FRMPD4: variants seen among roughly 807,000 people sequenced by gnomAD.
FRMPD4 encodes FERM and PDZ domain-containing protein 4.
FRMPD4 carries 22 observed loss-of-function variants against 94.1 expected under a neutral mutation model. The ratio of observed to expected loss-of-function variants is 0.23; its 90% CI spans 0.17 to 0.33. The LOEUF is 0.33. Among genes scored for constraint, FRMPD4 ranks in the 10% least tolerant of loss-of-function variants. The probability of loss-of-function intolerance (pLI) is 1.00; values close to 1 mark genes in which losing one functional copy is unlikely to be tolerated. For synonymous variants in FRMPD4, 631 were observed against 548.6 expected (o/e 1.15, Z -2.10); for missense variants, 1,111 against 1,339.9 (o/e 0.83, Z 2.67).
rs948873652 is a variant in FRMPD4, at chrX:11,827,886, G to A, written c.-161+5171G>A. ...TTTATAGCTTTATTAAGTCCAGAGTGGGTAGTCCAGGGTTGTTCTGATGGC... is the reference window on the plus strand; with the variant it reads ...TTTATAGCTTTATTAAGTCCAGAGTAGGTAGTCCAGGGTTGTTCTGATGGC... On this transcript the variant is annotated intron_variant, in intron 1 of 18. Coordinates refer to the FRMPD4 transcript ENST00000640291. Among the ~76,000 whole-genome samples, 4 of 111,932 alleles carry A rather than the reference G, an allele frequency of 3.6e-5. No homozygotes were observed. The Admixed American group carries it at 3.8e-4, about 11-fold the overall frequency.
chrX:12,546,979 C>T (rs2058484184), intron 2 of FRMPD4, among the ~76,000 whole-genome samples: 1 of 91,322 alleles, frequency 1.1e-5, no homozygotes, highest in South Asian at 6.1e-4. Context: ...CCACTGCACT[C>T]CAGCCTGGGT....
intron 4 of FRMPD4, among the ~76,000 whole-genome samples, chrX:12,668,274 C>T (rs548356015): frequency 9.1e-6 from 1 of 110,331 alleles, no homozygotes; most frequent in African/African-American, 3.3e-5. Flanking sequence ...TCTTGTTTGG[C>T]AGGTTATAAT....
chrX:12,391,699 G>T (rs2056477024), intron 1 of FRMPD4, among the ~76,000 whole-genome samples: 1 of 111,429 alleles, frequency 9.0e-6, no homozygotes, highest in Non-Finnish European at 1.9e-5. Flanking sequence ...GCCATGTACT[G>T]AAAATATCTG....
At chrX:12,034,423 T>A (rs1366730440) in intron 3 of FRMPD4, among the ~76,000 whole-genome samples, 1 of 112,350 alleles carries the variant, frequency 8.9e-6, no homozygotes, top group Non-Finnish European at 1.9e-5. Flanking sequence ...TGCAAGTTTT[T>A]TCAGTGCTCC....
At chrX:11,835,180 G>A (rs1383639583) in intron 1 of FRMPD4, among the ~76,000 whole-genome samples, 1 of 111,580 alleles carries the variant, frequency 9.0e-6, no homozygotes, top group Non-Finnish European at 1.9e-5. Flanking sequence ...AGTCAAAGAG[G>A]CCACTGTGAT....
chrX:12,261,703 A>T (rs1016594012), intron 1 of FRMPD4, among the ~76,000 whole-genome samples: 6 of 112,180 alleles, frequency 5.3e-5, no homozygotes, highest in African/African-American at 1.9e-4. Context: ...AACTGAAAGT[A>T]AATTGAATAG....
chrX:11,849,614 C>T (rs1324276649), intron 1 of FRMPD4, among the ~76,000 whole-genome samples: 3 of 109,501 alleles, frequency 2.7e-5, no homozygotes, highest in Non-Finnish European at 5.7e-5. Context: ...AATAAACACT[C>T]ACATAACATG....
chrX:12,053,337 AGAAAGAAAGAAAG>A (rs2054829404), intron 3 of FRMPD4, among the ~76,000 whole-genome samples: 1 of 99,117 alleles, frequency 1.0e-5, no homozygotes, highest in East Asian at 3.1e-4. Flanking sequence ...AAAGAAAGAA[AGAAAGAAAGAAAG>A]GAAAGAAAGA....
chrX:11,946,921 T>C (rs2147361501), intron 3 of FRMPD4, among the ~76,000 whole-genome samples: 1 of 111,961 alleles, frequency 8.9e-6, no homozygotes. Flanking sequence ...ACGCCACTGG[T>C]TTTTCTGTTT....
intron 1 of FRMPD4, among the ~76,000 whole-genome samples, chrX:12,293,814 T>A (rs983538471): frequency 8.9e-6 from 1 of 112,612 alleles, no homozygotes; most frequent in African/African-American, 3.2e-5. Context: ...TTGTTCTATA[T>A]GTAAAGTTGA....
At chrX:12,135,923 G>T (rs1382088681), upstream of FRMPD4, among the ~76,000 whole-genome samples, 1 of 111,760 alleles carries the variant, frequency 8.9e-6, no homozygotes, top group Non-Finnish European at 1.9e-5. Flanking sequence ...GCTGCCAGAT[G>T]TTGACTCAGA....
At chrX:12,478,876 GAA>G (rs1227986239) in intron 1 of FRMPD4, among the ~76,000 whole-genome samples, 1 of 111,496 alleles carries the variant, frequency 9.0e-6, no homozygotes, top group Non-Finnish European at 1.9e-5. Context: ...GGTGTAGACT[GAA>G]AAGTCATAAG....
At position 12,337,477 on chromosome X, in the gene FRMPD4, A is replaced by G. The variant is rs180915853; in HGVS notation, c.42-161203A>G. On this transcript the variant is annotated intron_variant, in intron 1 of 16. Transcript: ENST00000675598. ...TGTCTGGTTTATGAAAGTTATTTGG[A>G]ATATAGGATTGAGGTAATGAAGTAT... 2.5e-3 allele frequency among the ~76,000 whole-genome samples: 280 copies of G among 112,216 alleles called. 1 individual carries two copies. The highest frequency in any genetic ancestry group is 8.8e-3 in the African/African-American group (273 of 30,954).
At chrX:11,924,779 G>GA (rs2054076861) in intron 3 of FRMPD4, among the ~76,000 whole-genome samples, 1 of 111,357 alleles carries the variant, frequency 9.0e-6, no homozygotes, top group African/African-American at 3.3e-5. Flanking sequence ...GAAAAAGAAA[G>GA]ACTTACTAGC....
intron 2 of FRMPD4, among the ~76,000 whole-genome samples, chrX:12,542,325 T>C (rs2058423806): frequency 1.8e-5 from 2 of 112,169 alleles, no homozygotes; most frequent in South Asian, 7.4e-4. Context: ...TACATGATTG[T>C]ATATTAGACA....
At chrX:12,014,281 A>G (rs1364646880) in intron 3 of FRMPD4, among the ~76,000 whole-genome samples, 1 of 112,336 alleles carries the variant, frequency 8.9e-6, no homozygotes, top group Non-Finnish European at 1.9e-5. Flanking sequence ...AAGAGAGAAG[A>G]CAACTGCTAT....
chrX:12,605,964 T>C (rs1266359065), intron 2 of FRMPD4, among the ~76,000 whole-genome samples: 1 of 112,360 alleles, frequency 8.9e-6, no homozygotes, highest in Non-Finnish European at 1.9e-5. Context: ...TCTTTCCCAG[T>C]GCAATCCCAG....
chrX:12,089,261 G>T (rs1174835162), intron 3 of FRMPD4, among the ~76,000 whole-genome samples: 1 of 112,311 alleles, frequency 8.9e-6, no homozygotes, highest in Non-Finnish European at 1.9e-5. Context: ...TGCCAGGAAG[G>T]TTCTAGTGTC....
intron 3 of FRMPD4, among the ~76,000 whole-genome samples, chrX:11,987,011 T>G (rs2054433049): frequency 1.0e-5 from 1 of 99,777 alleles, no homozygotes; most frequent in African/African-American, 3.8e-5. Flanking sequence ...CTGAAACTAG[T>G]CTGAAAAAGA....
Sources: allele counts gnomAD v4.1 joint callset (sites outside exome capture counted in the v4.1 genomes callset), GRCh38; gene constraint gnomAD v4.1.1; transcripts MANE v1.5; gene names NCBI Gene and HGNC (gene_info 2026-07-23, HGNC 2026-07-21).